Variants in CIMIP5 observed in about 807,000 individuals in gnomAD.
CIMIP5 encodes the protein uncharacterized protein C2orf50.
At chr2:11,136,516 C>G in the CIMIP5 span, among the ~76,000 whole-genome samples, 12 of 152,004 alleles carry the variant, frequency 7.9e-5, no homozygotes, top group African/African-American at 2.9e-4. Context: ...TGGAGCTGCC[C>G]AGGAGGTAGT....
the CIMIP5 span, among the ~76,000 whole-genome samples, chr2:11,153,336 C>T: frequency 2.0e-5 from 3 of 152,160 alleles, no homozygotes; most frequent in African/African-American, 7.2e-5. Flanking sequence ...GCACTCATAC[C>T]TCTCAAAGGC....
the CIMIP5 span, among the ~76,000 whole-genome samples, chr2:11,154,418 C>T: frequency 2.6e-5 from 4 of 152,150 alleles, no homozygotes; most frequent in Admixed American, 6.5e-5. Context: ...GCCAGAATTC[C>T]GAACTCCGAA....
At chr2:11,140,634 A>T in the CIMIP5 span, 1 of 1,112,344 alleles carries the variant, frequency 9.0e-7, no homozygotes, top group Non-Finnish European at 1.3e-6. Flanking sequence ...TTTATTGAAG[A>T]TCTACTCTAC....
chr2:11,139,254 A>G, the CIMIP5 span, among the ~76,000 whole-genome samples: 2 of 152,306 alleles, frequency 1.3e-5, no homozygotes, highest in East Asian at 3.9e-4. Flanking sequence ...CTCAGGTATT[A>G]TTTATAGCAA....
chr2:11,138,532 A>C, the CIMIP5 span, among the ~76,000 whole-genome samples: 1 of 152,214 alleles, frequency 6.6e-6, no homozygotes, highest in Non-Finnish European at 1.5e-5. Flanking sequence ...AAATATTAAG[A>C]AACAGCAGTG....
chr2:11,144,094 C>A, the CIMIP5 span: 2 of 1,593,942 alleles, frequency 1.3e-6, no homozygotes, highest in Non-Finnish European at 1.7e-6. Flanking sequence ...GCTGGAGGAC[C>A]AGATGCAGCC....
the CIMIP5 span, among the ~76,000 whole-genome samples, chr2:11,136,811 T>C: frequency 6.6e-6 from 1 of 152,222 alleles, no homozygotes; most frequent in African/African-American, 2.4e-5. Context: ...GCCCCAGCGA[T>C]GTGAATAAGC....
the CIMIP5 span, among the ~76,000 whole-genome samples, chr2:11,150,237 C>T: frequency 6.6e-6 from 1 of 151,820 alleles, no homozygotes; most frequent in Non-Finnish European, 1.5e-5. Context: ...CTGTGCCCAG[C>T]CGAAAGCCCT....
the CIMIP5 span, among the ~76,000 whole-genome samples, chr2:11,135,708 C>A: frequency 1.4e-5 from 2 of 148,116 alleles, no homozygotes; most frequent in African/African-American, 5.0e-5. Flanking sequence ...GTTGCCCAGG[C>A]TGGAGTGCAG....
chr2:11,143,975 C>G, the CIMIP5 span: 2 of 1,605,876 alleles, frequency 1.2e-6, no homozygotes, highest in Non-Finnish European at 1.7e-6. Flanking sequence ...TTTTCGGACA[C>G]AGTTCCCAGT....
chr2:11,150,885 CAAAA>C, the CIMIP5 span, among the ~76,000 whole-genome samples: 8 of 150,772 alleles, frequency 5.3e-5, no homozygotes, highest in African/African-American at 1.9e-4. Context: ...AAAAAAAAAA[CAAAA>C]AACAAAACTT....
the CIMIP5 span, among the ~76,000 whole-genome samples, chr2:11,154,307 T>C: frequency 2.6e-5 from 4 of 151,842 alleles, no homozygotes; most frequent in Non-Finnish European, 4.4e-5. Context: ...CTTCTGAACA[T>C]CCTTTTCTCA....
chr2:11,151,374 TCTC>T, the CIMIP5 span, among the ~76,000 whole-genome samples: 1 of 152,192 alleles, frequency 6.6e-6, no homozygotes, highest in Non-Finnish European at 1.5e-5. Flanking sequence ...CGAGTTCAGA[TCTC>T]CTCTGTTGAA....
the CIMIP5 span, among the ~76,000 whole-genome samples, chr2:11,141,511 C>G: frequency 6.6e-6 from 1 of 152,150 alleles, no homozygotes; most frequent in Non-Finnish European, 1.5e-5. Flanking sequence ...TGATGGACTC[C>G]TATTCACTCT....
the CIMIP5 span, among the ~76,000 whole-genome samples, chr2:11,139,433 G>T: frequency 3.9e-5 from 6 of 152,156 alleles, no homozygotes; most frequent in African/African-American, 1.4e-4. Context: ...TTGTAGAATT[G>T]TTTGACTTTT....
the CIMIP5 span, among the ~76,000 whole-genome samples, chr2:11,149,025 C>G: frequency 2.6e-5 from 4 of 152,030 alleles, no homozygotes; most frequent in East Asian, 7.7e-4. Context: ...TGAGCCACTG[C>G]GCCTGGCCAT....
chr2:11,137,616 G>A, the CIMIP5 span, among the ~76,000 whole-genome samples: 24 of 152,150 alleles, frequency 1.6e-4, no homozygotes, highest in Admixed American at 7.2e-4. Context: ...GAAAGTAAGT[G>A]AGAATTTTCC....
chr2:11,140,890 G>A, the CIMIP5 span, among the ~76,000 whole-genome samples: 1 of 151,928 alleles, frequency 6.6e-6, no homozygotes, highest in South Asian at 2.1e-4. Flanking sequence ...AATGAGATTG[G>A]GTAAAAATAC....
At chr2:11,136,100 T>G in the CIMIP5 span, among the ~76,000 whole-genome samples, 1 of 152,226 alleles carries the variant, frequency 6.6e-6, no homozygotes, top group Non-Finnish European at 1.5e-5. Context: ...CTTCATTGCT[T>G]GTTTCCTTTG....
Sources: allele counts gnomAD v4.1 joint callset (sites outside exome capture counted in the v4.1 genomes callset), GRCh38; gene constraint gnomAD v4.1.1; transcripts MANE v1.5; gene names NCBI Gene and HGNC (gene_info 2026-07-23, HGNC 2026-07-21).